DMRT1: variants seen among roughly 807,000 people sequenced by gnomAD.
DMRT1 encodes the protein doublesex- and mab-3-related transcription factor 1.
A neutral mutation model predicts 32.3 loss-of-function variants in DMRT1; 7 were observed. The ratio of observed to expected loss-of-function variants is 0.22; its 90% CI spans 0.12 to 0.41. The LOEUF is 0.41. Ranked by LOEUF, DMRT1 falls within the 10% of genes least tolerant of loss-of-function variation. DMRT1 has a pLI of 1.00. For missense variants in DMRT1, 625 were observed against 500.5 expected (o/e 1.25, Z -2.37); for synonymous variants, 278 against 206.1 (o/e 1.35, Z -2.99).
intron 2 of DMRT1, among the ~76,000 whole-genome samples, chr9:869,667 A>G (rs1190592175): frequency 6.6e-6 from 1 of 152,066 alleles, no homozygotes; most frequent in Non-Finnish European, 1.5e-5. Context: ...AAAGCTCTCT[A>G]TATTTAATCT....
At chr9:900,675 A>G (rs1289039971) in intron 3 of DMRT1, among the ~76,000 whole-genome samples, 2 of 152,130 alleles carry the variant, frequency 1.3e-5, no homozygotes, top group Non-Finnish European at 2.9e-5. Flanking sequence ...GCAGAATGCA[A>G]AATCTACTTA....
chr9:889,419 T>C (rs1817056211), intron 2 of DMRT1, among the ~76,000 whole-genome samples: 1 of 152,238 alleles, frequency 6.6e-6, no homozygotes, highest in African/African-American at 2.4e-5. Flanking sequence ...ACTTTTCCAA[T>C]ACATATCTCC....
intron 2 of DMRT1, among the ~76,000 whole-genome samples, chr9:855,301 C>T (rs1815350514): frequency 6.6e-6 from 1 of 152,036 alleles, no homozygotes; most frequent in Non-Finnish European, 1.5e-5. Context: ...AACGTAAATA[C>T]AGGGGTTAAA....
chr9:862,483 G>C (rs572236249), intron 2 of DMRT1, among the ~76,000 whole-genome samples: 1 of 148,108 alleles, frequency 6.8e-6, no homozygotes, highest in East Asian at 2.1e-4. Context: ...GAGGGAGACG[G>C]TGCAAAGGGG....
chr9:896,851 A>G (rs1408013809), intron 3 of DMRT1, among the ~76,000 whole-genome samples: 1 of 152,058 alleles, frequency 6.6e-6, no homozygotes, highest in Non-Finnish European at 1.5e-5. Flanking sequence ...GCCCACTTCA[A>G]GAAAATGTGA....
intron 3 of DMRT1, among the ~76,000 whole-genome samples, chr9:897,287 T>C (rs371276862): frequency 2.4e-4 from 37 of 151,850 alleles, no homozygotes; most frequent in African/African-American, 8.5e-4. Context: ...TATTTTTTTT[T>C]CTGTATTTTT....
intron 2 of DMRT1, among the ~76,000 whole-genome samples, chr9:862,329 G>A (rs1019724874): frequency 3.7e-4 from 57 of 152,146 alleles, no homozygotes; most frequent in African/African-American, 1.3e-3. Flanking sequence ...GCGAAACCCC[G>A]TCTCCACCGA....
At chr9:936,622 A>G (rs1818894281) in intron 4 of DMRT1, among the ~76,000 whole-genome samples, 2 of 151,978 alleles carry the variant, frequency 1.3e-5, no homozygotes, top group African/African-American at 2.4e-5. Flanking sequence ...GTGTGGTGGC[A>G]GGCGCCAGCA....
chr9:861,423 T>C (rs1182015559), intron 2 of DMRT1, among the ~76,000 whole-genome samples: 20 of 150,684 alleles, frequency 1.3e-4, no homozygotes, highest in Middle Eastern at 3.4e-3. Context: ...GCAGAAGAAT[T>C]TTTCCTAGTA....
intron 2 of DMRT1, among the ~76,000 whole-genome samples, chr9:871,527 G>T (rs1390654641): frequency 1.5e-5 from 2 of 133,128 alleles, no homozygotes; most frequent in East Asian, 2.2e-4. Flanking sequence ...TTTTTTGGTA[G>T]AGACGGGGTT....
At chr9:862,865 C>T (rs556993000) in intron 2 of DMRT1, among the ~76,000 whole-genome samples, 2 of 152,144 alleles carry the variant, frequency 1.3e-5, no homozygotes, top group Admixed American at 1.3e-4. Flanking sequence ...AACGGCCTCC[C>T]AAAAGATGCC....
chr9:928,414 G>T (rs1818598369), intron 4 of DMRT1, among the ~76,000 whole-genome samples: 1 of 152,150 alleles, frequency 6.6e-6, no homozygotes, highest in Non-Finnish European at 1.5e-5. Context: ...CTGGGTTAGG[G>T]ATTTCCTCTA....
chr9:920,591 C>T (rs1818321613), intron 4 of DMRT1, among the ~76,000 whole-genome samples: 1 of 152,190 alleles, frequency 6.6e-6, no homozygotes. Context: ...ATACAGGCAG[C>T]TCTTCAGGAG....
At chr9:865,291 T>C (rs1815931899) in intron 2 of DMRT1, among the ~76,000 whole-genome samples, 1 of 152,186 alleles carries the variant, frequency 6.6e-6, no homozygotes, top group Admixed American at 6.5e-5. Flanking sequence ...AAGACCTGGC[T>C]CAGTTTCTTA....
At chr9:930,051 G>T (rs1818658785) in intron 4 of DMRT1, among the ~76,000 whole-genome samples, 1 of 152,142 alleles carries the variant, frequency 6.6e-6, no homozygotes, top group African/African-American at 2.4e-5. Flanking sequence ...AGACCTGGTT[G>T]AAGTCTTCCT....
chr9:909,900 G>C (rs895327602), intron 3 of DMRT1, among the ~76,000 whole-genome samples: 1 of 152,102 alleles, frequency 6.6e-6, no homozygotes, highest in Non-Finnish European at 1.5e-5. Flanking sequence ...TTTTTGTAGA[G>C]ATGGAGTCTC....
chr9:861,939 T>A (rs1447109108), intron 2 of DMRT1, among the ~76,000 whole-genome samples: 1 of 109,788 alleles, frequency 9.1e-6, no homozygotes, highest in Non-Finnish European at 1.9e-5. Context: ...ACATCCCAGA[T>A]GATGGGCGGG....
At position 863,148 on chromosome 9, in the gene DMRT1, A is replaced by AT. The variant is rs1347819962; in HGVS notation, c.538+16005_538+16006insT. Among the ~76,000 whole-genome samples the AT allele has an allele frequency of 1.4e-3, 141 of 98,410 alleles. 2 individuals carry two copies. The East Asian group carries it at 0.033, about 23-fold the overall frequency. 64.6% of individuals were successfully genotyped at this position (98,410 alleles called of 152,430 possible). A position where few individuals can be genotyped will look rare whatever the true frequency, so the allele number is the denominator to read the frequency against. On this transcript the variant is annotated intron_variant, in intron 2 of 4. Coordinates refer to ENST00000382276, the MANE Select transcript of DMRT1 (RefSeq NM_021951.3). Reference sequence around the variant, plus strand: ...TGGGCAACAGCGAGATCAGGTCTCTACAAAAAAAAAAAAAAAAAAATTAGC... The same window carrying AT: ...TGGGCAACAGCGAGATCAGGTCTCTATCAAAAAAAAAAAAAAAAAAATTAGC...
intron 4 of DMRT1, among the ~76,000 whole-genome samples, chr9:917,974 C>A (rs915367125): frequency 8.5e-5 from 13 of 152,194 alleles, no homozygotes; most frequent in African/African-American, 3.1e-4. Context: ...AAGCACAACT[C>A]TGTTTTATAA....
Sources: gnomAD v4.1 joint callset for allele counts (sites outside exome capture counted in the v4.1 genomes callset) on GRCh38, gnomAD v4.1.1 for gene constraint, MANE v1.5 for transcripts, NCBI Gene and HGNC (gene_info 2026-07-23, HGNC 2026-07-21) for gene names.